The following ATP5MC1 variants were observed in gnomAD, a reference collection of about 807,000 sequenced individuals.
ATP5MC1 encodes ATP synthase membrane subunit c locus 1, also known as ATP synthase F(0) complex subunit C1, mitochondrial.
Under a neutral mutation model 12.1 loss-of-function variants are expected in ATP5MC1, and 4 were observed. The observed-to-expected ratio is 0.33, with a 90% CI of 0.16 to 0.76. ATP5MC1 has a LOEUF of 0.76. Among genes scored for constraint, ATP5MC1 ranks in the 30% least tolerant of loss-of-function variants. ATP5MC1 has a pLI of 0.61. For missense variants in ATP5MC1, 117 were observed against 172.1 expected (o/e 0.68, Z 1.79); for synonymous variants, 52 against 66.0 (o/e 0.79, Z 1.03).
Position 48,893,349 on chromosome 17 carries a change from T to C in ATP5MC1, c.-9-60T>C, listed in dbSNP as rs953541572. 9 of 1,579,226 alleles carry C rather than the reference T, an allele frequency of 5.7e-6. No individual in the cohort carries two copies. In the African/African-American group the frequency reaches 1.2e-4, roughly 21 times the overall value. On this transcript the variant is annotated intron_variant, in intron 1 of 4. Coordinates refer to ENST00000393366, the MANE Select transcript of ATP5MC1 (RefSeq NM_005175.3). Reference sequence around the variant, plus strand: ...GAAGGGGACGACCAAAGGTCGTCATTATAAGCAAACAACCAGGGTCTCAGT... The same window carrying C: ...GAAGGGGACGACCAAAGGTCGTCATCATAAGCAAACAACCAGGGTCTCAGT...
At chr17:48,894,573 GC>G in intron 3 of ATP5MC1, 124 bp downstream of exon 3, 1 of 956,326 alleles carries the variant, frequency 1.0e-6, no homozygotes, top group Non-Finnish European at 1.6e-6. Context: ...TTCAAGACCA[GC>G]CTGGGCAACA....
In ATP5MC1 at chr17:48,893,474, A is replaced by G. The variant is rs684682; in HGVS notation, c.39+18A>G. ...CAGCTCTGGTAAGGTGCCGCGCCGCAGTGCTCTGTAGTACCAGGTGTATGG... is the reference window on the plus strand; with the variant it reads ...CAGCTCTGGTAAGGTGCCGCGCCGCGGTGCTCTGTAGTACCAGGTGTATGG... On this transcript the variant is annotated intron_variant, in intron 2 of 4. Transcript: ENST00000393366. 1,608,138 of 1,613,630 alleles carry G rather than the reference A, an allele frequency of 1. 801,487 individuals carry two copies. The highest frequency in any genetic ancestry group is 1 in the East Asian group (44,889 of 44,890).
chr17:48,893,279 G>A, intron 1 of ATP5MC1, 130 bp from the exon 2 acceptor site: 1 of 881,194 alleles, frequency 1.1e-6, no homozygotes. Flanking sequence ...CTCAGCTGGG[G>A]CACGGTGCAA....
rs200395275 is a variant in ATP5MC1, at chr17:48,895,220, G to A, written c.182G>A (p.Arg61Gln). 3.0e-5 allele frequency: 48 copies of A among 1,612,386 alleles called. No individual in the cohort carries two copies. The highest frequency in any genetic ancestry group is 3.4e-5 in the Non-Finnish European group (40 of 1,178,712). The change falls in exon 4 of 5, where the codon CGG becomes CAG. Residue 61 changes from arginine to glutamine, a missense_variant. Coordinates refer to ENST00000393366, the MANE Select transcript of ATP5MC1 (RefSeq NM_005175.3). ...GAGTTCCAGACCAGTGTTGTCTCCCGGGACATTGACACAGCAGCCAAGTTT... is the reference window on the plus strand; with the variant it reads ...GAGTTCCAGACCAGTGTTGTCTCCCAGGACATTGACACAGCAGCCAAGTTT... ...RREFQTSVVS[R>Q]DIDTAAKFIG...
chr17:48,893,554 G>C, intron 2 of ATP5MC1, 98 bp downstream of exon 2: 1 of 1,383,794 alleles, frequency 7.2e-7, no homozygotes, highest in South Asian at 1.2e-5. Context: ...GCGTCCTGAT[G>C]ATGTAGGCTC....
At chr17:48,894,993 C>T in intron 3 of ATP5MC1, 163 bp from the exon 4 acceptor site, 1 of 835,022 alleles carries the variant, frequency 1.2e-6, no homozygotes, top group Non-Finnish European at 2.0e-6. Context: ...GACTCTAAGA[C>T]TAATTCCCAG....
rs116001901 is a variant in ATP5MC1, at chr17:48,893,731, C to T, written c.39+275C>T. ...CTAAAACAGTGGTTTTCAACAGTGG[C>T]TGCACGTTAGAATCATCCAGGGAAC... is the stretch of plus-strand genomic sequence containing the variant. On this transcript the variant is annotated intron_variant, in intron 2 of 4. Coordinates refer to ENST00000393366, the MANE Select transcript of ATP5MC1 (RefSeq NM_005175.3). 2.0e-3 allele frequency: 1,084 copies of T among 534,494 alleles called. 12 individuals carry two copies. The highest frequency in any genetic ancestry group is 0.019 in the African/African-American group (1,006 of 52,668). 33.1% of individuals were successfully genotyped at this position (534,494 alleles called of 1,614,324 possible).
intron 4 of ATP5MC1, 84 bp from the exon 5 acceptor site, chr17:48,895,571 C>A: frequency 7.4e-7 from 1 of 1,353,950 alleles, no homozygotes. Context: ...GAGTAACAGT[C>A]CCCATTCACC....
At chr17:48,895,528 C>T in intron 4 of ATP5MC1, 127 bp from the exon 5 acceptor site, 1 of 1,282,612 alleles carries the variant, frequency 7.8e-7, no homozygotes, top group Non-Finnish European at 1.1e-6. Context: ...CATCCAAATC[C>T]CCAGGATCTG....
At chr17:48,894,799 T>C in intron 3 of ATP5MC1, 2 of 526,236 alleles carry the variant, frequency 3.8e-6, no homozygotes, top group South Asian at 3.1e-5. Context: ...AATCAAGGAA[T>C]GTTCCCAGAC....
At chr17:48,893,597 C>A (rs2040548743) in intron 2 of ATP5MC1, 141 bp downstream of exon 2, 3 of 959,240 alleles carry the variant, frequency 3.1e-6, no homozygotes, top group Middle Eastern at 3.1e-4. Flanking sequence ...ATGAAGGTAA[C>A]CCCTGTTTAT....
intron 2 of ATP5MC1, 111 bp from the exon 3 acceptor site, chr17:48,894,261 A>G: frequency 9.5e-7 from 1 of 1,048,966 alleles, no homozygotes; most frequent in Non-Finnish European, 1.5e-6. Flanking sequence ...TGACCTTGAA[A>G]TACATTGAAC....
intron 2 of ATP5MC1, 50 bp downstream of exon 2, chr17:48,893,506 C>T (rs754711371): frequency 6.2e-7 from 1 of 1,602,226 alleles, no homozygotes; most frequent in South Asian, 1.1e-5. Flanking sequence ...ATGGTGTGGA[C>T]GCCATCAGTG....
chr17:48,894,639 A>G (rs1480310893), intron 3 of ATP5MC1, 190 bp downstream of exon 3: 5 of 557,014 alleles, frequency 9.0e-6, no homozygotes, highest in Non-Finnish European at 1.6e-5. Context: ...GTGTGGTGGC[A>G]TGTGGCTGTA....
intron 3 of ATP5MC1, chr17:48,894,700 C>T (rs2040556441): frequency 4.0e-6 from 2 of 504,560 alleles, no homozygotes; most frequent in South Asian, 1.9e-5. Flanking sequence ...TCCCAGAGGT[C>T]GAGACTGCTG....
intron 1 of ATP5MC1, 101 bp from the exon 2 acceptor site, chr17:48,893,308 G>A: frequency 1.6e-6 from 2 of 1,231,514 alleles, no homozygotes; most frequent in East Asian, 2.5e-5. Flanking sequence ...GTGGTCTAGG[G>A]AGGACGGACG....
At chr17:48,894,322 A>G in intron 2 of ATP5MC1, 50 bp from the exon 3 acceptor site, 1 of 1,572,886 alleles carries the variant, frequency 6.4e-7, no homozygotes. Flanking sequence ...AGCAATTAGG[A>G]TTTTTTTTCC....
intron 4 of ATP5MC1, 142 bp from the exon 5 acceptor site, chr17:48,895,513 T>A: frequency 1.6e-6 from 2 of 1,270,808 alleles, no homozygotes; most frequent in Non-Finnish European, 2.2e-6. Context: ...CCCACTCTGC[T>A]TGTCCATCCA....
At chr17:48,895,377 C>T (rs1211655050) in intron 4 of ATP5MC1, 43 bp downstream of exon 4, 1 of 1,545,384 alleles carries the variant, frequency 6.5e-7, no homozygotes, top group Non-Finnish European at 8.8e-7. Flanking sequence ...GTAAATTCCA[C>T]CCCGTTTGGG....
Sources: allele counts gnomAD v4.1 joint callset, GRCh38; gene constraint gnomAD v4.1.1; transcripts MANE v1.5; gene names NCBI Gene and HGNC (gene_info 2026-07-23, HGNC 2026-07-21).